The following CTNNA2 variants were observed in gnomAD, a reference collection of about 807,000 sequenced individuals.
CTNNA2 encodes catenin alpha-2.
In CTNNA2, 42 loss-of-function variants were observed where a neutral mutation model predicts 101.0. That is an observed-to-expected ratio of 0.42 (90% confidence interval 0.32 to 0.54). CTNNA2 has a LOEUF of 0.54. Ranked by LOEUF, CTNNA2 falls within the 20% of genes least tolerant of loss-of-function variation. The probability of loss-of-function intolerance (pLI) is 0.14; values close to 1 mark genes in which losing one functional copy is unlikely to be tolerated. For synonymous variants in CTNNA2, 450 were observed against 456.4 expected, an observed-to-expected ratio of 0.99 and a Z score of 0.18; for missense variants, 871 against 1,223.1, an observed-to-expected ratio of 0.71 and a Z score of 4.29.
At chr2:80,065,060 A>G (rs577736343) in intron 7 of CTNNA2, among the ~76,000 whole-genome samples, 37 of 152,202 alleles carry the variant, frequency 2.4e-4, no homozygotes, top group Non-Finnish European at 4.6e-4. Flanking sequence ...TGACTTGTAA[A>G]TTTCACTCAA....
At chr2:80,148,590 G>A (rs78386514) in intron 7 of CTNNA2, among the ~76,000 whole-genome samples, 2,582 of 152,304 alleles carry the variant, frequency 0.017, 76 homozygotes, top group African/African-American at 0.058. Context: ...TGTCCCAGCT[G>A]CAGGCCTTTA....
chr2:79,967,122 G>GTA (rs1690129872), intron 7 of CTNNA2, among the ~76,000 whole-genome samples: 1 of 125,720 alleles, frequency 8.0e-6, no homozygotes, highest in Non-Finnish European at 1.5e-5. Context: ...ACGCACGTGT[G>GTA]TGTGTGTGTG....
Position 80,360,203 on chromosome 2 carries a change from A to G in CTNNA2, c.1057-33008A>G, listed in dbSNP as rs190144230. 1.6e-4 allele frequency among the ~76,000 whole-genome samples: 25 copies of G among 152,260 alleles called. No individual in the cohort carries two copies. In the South Asian group the frequency reaches 2.3e-3, roughly 14 times the overall value. ...GATACTTAATTTTTTCTGGTGAACC[A>G]TAAGTTTATATATGCTGAAAAGTTC... On this transcript the variant is annotated intron_variant, in intron 7 of 18. Coordinates refer to ENST00000402739, the MANE Select transcript of CTNNA2 (RefSeq NM_001282597.3).
At position 80,647,875 on chromosome 2, in the gene CTNNA2, C is replaced by G; in HGVS notation, c.*3C>G. On this transcript the variant is annotated 3_prime_UTR_variant, in exon 19 of 19. Transcript: ENST00000402739. Reference sequence around the variant, plus strand: ...TCAAAGCAATGGATTCCTTCTAGGACGATAGGTTTTAACAAGAAAGCTTTT... The same window carrying G: ...TCAAAGCAATGGATTCCTTCTAGGAGGATAGGTTTTAACAAGAAAGCTTTT... 1 of 1,564,870 alleles carries G rather than the reference C, an allele frequency of 6.4e-7. No individual in the cohort carries two copies. The highest frequency in any genetic ancestry group is 2.3e-5 in the East Asian group (1 of 44,156).
In CTNNA2 at chr2:79,412,267, G is replaced by C. The variant is rs1428737957; in HGVS notation, c.-135+38254G>C. ...AAGCAAGTCCTTAGAGACCAACAAA[G>C]AGACTTAGACTCCCACATAATAATA... On this transcript the variant is annotated intron_variant, in intron 4 of 21. Coordinates refer to the CTNNA2 transcript ENST00000466387. 3.9e-5 allele frequency among the ~76,000 whole-genome samples: 6 copies of C among 152,036 alleles called. No individual in the cohort carries two copies. The South Asian group carries it at 1.2e-3, about 31-fold the overall frequency.
At chr2:79,441,097 C>G (rs917500078) in intron 4 of CTNNA2, among the ~76,000 whole-genome samples, 1 of 152,122 alleles carries the variant, frequency 6.6e-6, no homozygotes, top group Middle Eastern at 3.2e-3. Flanking sequence ...GGTATTCACA[C>G]CCCCAGAATG....
At chr2:79,197,670 C>T (rs563979914) in intron 1 of CTNNA2, among the ~76,000 whole-genome samples, 7 of 152,288 alleles carry the variant, frequency 4.6e-5, no homozygotes, top group African/African-American at 9.6e-5. Context: ...AGTTTCATCC[C>T]GTTTTATGTT....
intron 2 of CTNNA2, among the ~76,000 whole-genome samples, chr2:79,701,431 T>C (rs1259915155): frequency 6.6e-6 from 1 of 152,144 alleles, no homozygotes; most frequent in Non-Finnish European, 1.5e-5. Context: ...TGGGTCCCCT[T>C]GTCACTGTAA....
At chr2:80,043,988 G>T (rs1405153002) in intron 7 of CTNNA2, among the ~76,000 whole-genome samples, 2 of 152,090 alleles carry the variant, frequency 1.3e-5, no homozygotes, top group Admixed American at 6.5e-5. Context: ...AGGGGTGAGA[G>T]GAAACATGTA....
chr2:80,016,769 A>G (rs1363954905), intron 7 of CTNNA2, among the ~76,000 whole-genome samples: 1 of 152,144 alleles, frequency 6.6e-6, no homozygotes, highest in African/African-American at 2.4e-5. Context: ...CCAGTGAGAC[A>G]TTTGTAGCTA....
chr2:79,829,371 A>G (rs1678695759), intron 3 of CTNNA2, among the ~76,000 whole-genome samples: 3 of 76,736 alleles, frequency 3.9e-5, no homozygotes, highest in Non-Finnish European at 5.9e-5. Context: ...ACACACACAC[A>G]CACACACACA....
At chr2:79,317,246 T>C (rs923402598) in intron 3 of CTNNA2, among the ~76,000 whole-genome samples, 26 of 152,196 alleles carry the variant, frequency 1.7e-4, no homozygotes, top group Non-Finnish European at 2.4e-4. Flanking sequence ...TCTCGCATTA[T>C]TGGGATAAAT....
chr2:80,198,722 C>T (rs1189262259), intron 7 of CTNNA2, among the ~76,000 whole-genome samples: 3 of 152,110 alleles, frequency 2.0e-5, no homozygotes, highest in African/African-American at 4.8e-5. Context: ...ATTTTATGAC[C>T]CCTATCCCAA....
At chr2:79,987,606 A>G (rs1339701745) in intron 7 of CTNNA2, among the ~76,000 whole-genome samples, 1 of 152,184 alleles carries the variant, frequency 6.6e-6, no homozygotes, top group Non-Finnish European at 1.5e-5. Context: ...AATTTCACTA[A>G]TTTCCTCAAT....
intron 9 of CTNNA2, among the ~76,000 whole-genome samples, chr2:80,529,137 A>G (rs543326598): frequency 1.3e-5 from 2 of 152,272 alleles, no homozygotes; most frequent in Non-Finnish European, 2.9e-5. Flanking sequence ...AGTAGTTTTT[A>G]TAGGTATACC....
At chr2:79,603,630 C>T (rs924737960) in intron 1 of CTNNA2, among the ~76,000 whole-genome samples, 39 of 152,120 alleles carry the variant, frequency 2.6e-4, no homozygotes, top group African/African-American at 9.4e-4. Flanking sequence ...ATAAAAACCC[C>T]AATACATATT....
chr2:79,715,566 T>C (rs1294927279), intron 2 of CTNNA2, among the ~76,000 whole-genome samples: 2 of 152,048 alleles, frequency 1.3e-5, no homozygotes, highest in Non-Finnish European at 2.9e-5. Flanking sequence ...ACAGTATACA[T>C]ATAAGGGTAA....
intron 2 of CTNNA2, among the ~76,000 whole-genome samples, chr2:79,230,813 A>T (rs1035961524): frequency 6.6e-6 from 1 of 152,250 alleles, no homozygotes; most frequent in African/African-American, 2.4e-5. Flanking sequence ...CACCTCTTGC[A>T]TCAGGATGAC....
chr2:80,107,749 C>G lies in CTNNA2; in HGVS notation c.1056+197952C>G, dbSNP rs369246555. Among the ~76,000 whole-genome samples the G allele has an allele frequency of 1.1e-4, 16 of 152,328 alleles. No homozygotes were observed. In the East Asian group the frequency reaches 2.5e-3, roughly 24 times the overall value. On this transcript the variant is annotated intron_variant, in intron 7 of 18. Transcript: ENST00000402739. ...CTGATAACACACTACTGTCCATGGA[C>G]GGCAGAGCTAATAGAGCACTGTAAC...
Sources: gnomAD v4.1 joint callset for allele counts (sites outside exome capture counted in the v4.1 genomes callset) on GRCh38, gnomAD v4.1.1 for gene constraint, MANE v1.5 for transcripts, NCBI Gene and HGNC (gene_info 2026-07-23, HGNC 2026-07-21) for gene names.